The following RAD50 variants were observed in gnomAD, a reference collection of about 807,000 sequenced individuals.
RAD50 encodes DNA repair protein RAD50.
Under a neutral mutation model 168.8 loss-of-function variants are expected in RAD50, and 132 were observed. That is an observed-to-expected ratio of 0.78 (90% CI 0.68 to 0.90). The LOEUF is 0.90. Among genes scored for constraint, RAD50 ranks in the 40% least tolerant of loss-of-function variants. The probability of loss-of-function intolerance (pLI) is 0.00; values close to 1 mark genes in which losing one functional copy is unlikely to be tolerated. For missense variants in RAD50, 1,347 were observed against 1,534.4 expected (o/e 0.88, Z 2.04); for synonymous variants, 525 against 497.4 (o/e 1.06, Z -0.74).
At chr5:132,600,042 A>G (rs1344035745) in intron 13 of RAD50, 1 of 152,174 alleles carries the variant, frequency 6.6e-6, no homozygotes, top group African/African-American at 2.4e-5. Flanking sequence ...TCTGTGCACC[A>G]TTTGCTTTTT....
intron 21 of RAD50, among the ~76,000 whole-genome samples, chr5:132,626,448 C>T (rs149622468): frequency 2.6e-5 from 4 of 152,158 alleles, no homozygotes; most frequent in African/African-American, 4.8e-5. Flanking sequence ...TCTGAGTTTC[C>T]GTTTCCTCAT....
chr5:132,623,495 C>A (rs896475738), intron 21 of RAD50, among the ~76,000 whole-genome samples: 1 of 152,076 alleles, frequency 6.6e-6, no homozygotes, highest in African/African-American at 2.4e-5. Context: ...CTAACAATAA[C>A]AGTAATAATA....
intron 9 of RAD50, among the ~76,000 whole-genome samples, chr5:132,590,400 G>A (rs1750677164): frequency 6.6e-6 from 1 of 152,184 alleles, no homozygotes; most frequent in South Asian, 2.1e-4. Flanking sequence ...AACCTGGGAG[G>A]CAGAGGTTGC....
intron 2 of RAD50, among the ~76,000 whole-genome samples, chr5:132,565,333 A>T (rs1750189128): frequency 6.6e-6 from 1 of 152,002 alleles, no homozygotes; most frequent in South Asian, 2.1e-4. Context: ...TTATACAACC[A>T]TAATCTTAAT....
chr5:132,577,378 C>A (rs1750418174), intron 3 of RAD50, among the ~76,000 whole-genome samples: 1 of 152,206 alleles, frequency 6.6e-6, no homozygotes, highest in South Asian at 2.1e-4. Flanking sequence ...GATTAACACC[C>A]TAATTCCATC....
intron 21 of RAD50, among the ~76,000 whole-genome samples, chr5:132,636,461 G>A (rs572705217): frequency 6.6e-6 from 1 of 150,838 alleles, no homozygotes; most frequent in African/African-American, 2.5e-5. Context: ...ATCTGTGAAG[G>A]AAAGGTAAAA....
chr5:132,563,757 C>T (rs1750160334), intron 2 of RAD50, among the ~76,000 whole-genome samples: 1 of 152,122 alleles, frequency 6.6e-6, no homozygotes, highest in Non-Finnish European at 1.5e-5. Context: ...TGTATCTGCC[C>T]AAATCTCATG....
chr5:132,590,384 C>A (rs900302876), intron 9 of RAD50, among the ~76,000 whole-genome samples: 3 of 152,236 alleles, frequency 2.0e-5, no homozygotes, highest in Middle Eastern at 3.4e-3. Context: ...GCAGGAGAAT[C>A]GCTTGAACCT....
At chr5:132,582,135 A>T (rs1163852608) in intron 5 of RAD50, among the ~76,000 whole-genome samples, 2 of 152,214 alleles carry the variant, frequency 1.3e-5, no homozygotes, top group Non-Finnish European at 2.9e-5. Context: ...GAACACTGTC[A>T]AGGAAATCCA....
intron 5 of RAD50, 136 bp downstream of exon 5, chr5:132,580,202 G>A (rs1480619487): frequency 5.7e-6 from 4 of 699,028 alleles, no homozygotes; most frequent in African/African-American, 1.8e-5. Context: ...TTTTTATGGT[G>A]AGAACACTTA....
rs2149842753 is a variant in RAD50 at position 132,591,999 on chromosome 5, A to C, written c.1758A>C (p.Glu586Asp). The C allele has an allele frequency of 6.2e-7, 1 of 1,613,240 alleles. No individual in the cohort carries two copies. The highest frequency in any genetic ancestry group is 8.5e-7 in the Non-Finnish European group (1 of 1,179,388). Residue 586 changes from glutamate (E) to aspartate (D), a missense_variant, in exon 11 of 25, where the codon GAA becomes GAC. Physicochemically the swap from Glu to Asp is conservative, Grantham distance 45 (BLOSUM62 2). Transcript: ENST00000378823. ...LEDWLHSKSK[E>D]INQTRDRLAK... Reference sequence around the variant, plus strand: ...ACTGGCTACATAGTAAATCAAAAGAAATTAATCAGACCAGGGACAGACTTG... The same window carrying C: ...ACTGGCTACATAGTAAATCAAAAGACATTAATCAGACCAGGGACAGACTTG...
In RAD50 at chr5:132,589,912, TAA is replaced by T. The variant is rs1245002926; in HGVS notation, c.1452+76_1452+77del. ...GAAGTATTTTGTCTATTTTTGATCC[TAA>T]GATTATAGCATTTTAATAAAAACAT... On this transcript the variant is annotated intron_variant, in intron 9 of 24. Transcript: ENST00000378823. 5 of 1,319,412 alleles carry T rather than the reference TAA, an allele frequency of 3.8e-6. No homozygotes were observed. In the Admixed American group the frequency reaches 9.7e-5, roughly 26 times the overall value. 81.7% of individuals were successfully genotyped at this position (1,319,412 alleles called of 1,614,324 possible). A position where few individuals can be genotyped will look rare whatever the true frequency, so the allele number is the denominator to read the frequency against.
At chr5:132,567,401 C>T (rs1750227435) in intron 2 of RAD50, among the ~76,000 whole-genome samples, 1 of 152,162 alleles carries the variant, frequency 6.6e-6, no homozygotes, top group Non-Finnish European at 1.5e-5. Flanking sequence ...TACCTGGGAA[C>T]ACTTTGTAAA....
At chr5:132,604,691 G>A in intron 15 of RAD50, 115 bp from the exon 16 acceptor site, 1 of 877,612 alleles carries the variant, frequency 1.1e-6, no homozygotes, top group Non-Finnish European at 1.8e-6. Flanking sequence ...CAGTGGGTGG[G>A]GCCCACAGAA....
chr5:132,627,754 T>C (rs1751395229), intron 21 of RAD50, among the ~76,000 whole-genome samples: 1 of 152,214 alleles, frequency 6.6e-6, no homozygotes, highest in Non-Finnish European at 1.5e-5. Flanking sequence ...GGAAGTAATA[T>C]AATCTGATTT....
In RAD50 at chr5:132,618,096, T is replaced by C. The variant is rs780264599; in HGVS notation, c.3191T>C (p.Ile1064Thr). Reference protein sequence around the residue: ...KSEHQKLEENIDNIKRNHNLA... With the variant: ...KSEHQKLEENTDNIKRNHNLA... ...GAACATCAGAAGTTGGAAGAGAACA[T>C]AGACAATATAAAAAGAAATCATAAT... Residue 1064 changes from isoleucine to threonine, a missense_variant, in exon 21 of 25, where the codon ATA becomes ACA. Ile to Thr is a moderately conservative substitution (Grantham distance 89). This residue lies in a region of RAD50 where 635 missense variants were observed against 739.2 expected (regional missense o/e 0.86). Transcript: ENST00000378823. 8 of 1,613,312 alleles carry C rather than the reference T, an allele frequency of 5.0e-6. No individual in the cohort carries two copies. The highest frequency in any genetic ancestry group is 6.8e-6 in the Non-Finnish European group (8 of 1,179,616).
Position 132,640,795 on chromosome 5 carries a change from G to GCTCTGGTTGAGTAAGTAT in RAD50, c.3747_3752+12dup. 1 of 1,613,232 alleles carries GCTCTGGTTGAGTAAGTAT rather than the reference G, an allele frequency of 6.2e-7. No homozygotes were observed. On this transcript the variant is annotated stop_gained and inframe_insertion, in exon 24 of 25. Coordinates refer to ENST00000378823, the MANE Select transcript of RAD50 (RefSeq NM_005732.4). LOFTEE classifies it high-confidence loss of function. ...AGAAAACATTGAATCTCTTGCACATGCTCTGGTTGAGTAAGTATCTCTTGC... is the reference window on the plus strand; with the variant it reads ...AGAAAACATTGAATCTCTTGCACATGCTCTGGTTGAGTAAGTATCTCTGGTTGAGTAAGTATCTCTTGC...
At chr5:132,636,631 G>A (rs979278931) in intron 21 of RAD50, among the ~76,000 whole-genome samples, 14 of 152,082 alleles carry the variant, frequency 9.2e-5, no homozygotes, top group African/African-American at 3.4e-4. Flanking sequence ...GTGGCAGTTC[G>A]ATTCTCCTAT....
chr5:132,617,029 C>G (rs908177347), intron 20 of RAD50, among the ~76,000 whole-genome samples: 1 of 152,144 alleles, frequency 6.6e-6, no homozygotes, highest in Non-Finnish European at 1.5e-5. Context: ...AAGAGCTCAT[C>G]ATCTTCAGAG....
Sources: gnomAD v4.1 joint callset for allele counts (sites outside exome capture counted in the v4.1 genomes callset) on GRCh38, gnomAD v4.1.1 for gene constraint, gnomAD v4.1.1 regional missense constraint, MANE v1.5 for transcripts, NCBI Gene and HGNC (gene_info 2026-07-23, HGNC 2026-07-21) for gene names.